STK4: variants seen among roughly 807,000 people sequenced by gnomAD.
STK4 encodes serine/threonine kinase 4.
In STK4, 30 loss-of-function variants were observed where a neutral mutation model predicts 64.9. That is an observed-to-expected ratio of 0.46 (90% CI 0.35 to 0.63). The LOEUF (loss-of-function observed/expected upper bound fraction) is 0.63, where lower values mean the gene tolerates loss of function less well. STK4 is among the 20% of genes least tolerant of loss of function. STK4 has a pLI of 0.01. For synonymous variants in STK4, 177 were observed against 199.0 expected (o/e 0.89, Z 0.93); for missense variants, 466 against 598.5 (o/e 0.78, Z 2.31).
chr20:44,967,191 G>A (rs1449644980), intron 1 of STK4: 1 of 985,224 alleles, frequency 1.0e-6, no homozygotes, highest in African/African-American at 1.7e-5. Context: ...ACTGTAGGAT[G>A]GCATCTTTTA....
chr20:44,989,064 C>G (rs1183731678), intron 5 of STK4, among the ~76,000 whole-genome samples: 4 of 152,086 alleles, frequency 2.6e-5, no homozygotes, highest in African/African-American at 9.7e-5. Flanking sequence ...TGCTTTTTGG[C>G]TGTTAGGAAT....
chr20:44,979,284 A>G (rs2067394821), intron 3 of STK4, among the ~76,000 whole-genome samples: 1 of 152,204 alleles, frequency 6.6e-6, no homozygotes, highest in Non-Finnish European at 1.5e-5. Flanking sequence ...TTAGAATATC[A>G]GGTAAATCTA....
chr20:45,026,128 G>GGTTTTTTTTTTTTTTTTTTTTTT (rs1490924969), intron 10 of STK4, among the ~76,000 whole-genome samples: 3 of 128,982 alleles, frequency 2.3e-5, no homozygotes, highest in African/African-American at 9.0e-5. Flanking sequence ...TTATCCAGTG[G>GGTTTTTTTTTTTTTTTTTTTTTT]TTTTTTTTTT....
intron 3 of STK4, among the ~76,000 whole-genome samples, chr20:44,979,808 T>C (rs1355672134): frequency 6.6e-6 from 1 of 152,144 alleles, no homozygotes; most frequent in East Asian, 1.9e-4. Flanking sequence ...TACTGTCTAC[T>C]AGATAAAATC....
At chr20:45,017,951 G>A (rs2068173990) in intron 9 of STK4, among the ~76,000 whole-genome samples, 1 of 152,166 alleles carries the variant, frequency 6.6e-6, no homozygotes, top group Non-Finnish European at 1.5e-5. Context: ...TATAACTTAT[G>A]ATTCCAGCAA....
chr20:44,983,382 G>T (rs941159352), intron 4 of STK4, among the ~76,000 whole-genome samples: 1 of 152,166 alleles, frequency 6.6e-6, no homozygotes, highest in African/African-American at 2.4e-5. Context: ...GCGGAGGATT[G>T]CTTCAGTCCA....
chr20:45,038,998 T>A (rs1380952364), intron 10 of STK4, among the ~76,000 whole-genome samples: 1 of 152,036 alleles, frequency 6.6e-6, no homozygotes, highest in African/African-American at 2.4e-5. Flanking sequence ...AGGAAGAAAG[T>A]CTAGCCTAGC....
intron 10 of STK4, among the ~76,000 whole-genome samples, chr20:45,071,335 T>C (rs553356404): frequency 1.3e-5 from 2 of 152,348 alleles, no homozygotes; most frequent in South Asian, 4.1e-4. Context: ...AAGATATTCA[T>C]TTGAAATGTA....
intron 10 of STK4, among the ~76,000 whole-genome samples, chr20:45,066,622 A>G (rs1189802714): frequency 6.6e-6 from 1 of 152,186 alleles, no homozygotes; most frequent in Non-Finnish European, 1.5e-5. Context: ...TATTTTTTAT[A>G]TATGTGGTCA....
intron 10 of STK4, among the ~76,000 whole-genome samples, chr20:45,068,748 AAGG>A (rs1324629747): frequency 6.6e-6 from 1 of 152,206 alleles, no homozygotes; most frequent in African/African-American, 2.4e-5. Context: ...TCATCTCTAA[AAGG>A]AGGATAATGA....
chr20:45,012,989 G>C (rs1232773151), intron 9 of STK4, among the ~76,000 whole-genome samples: 1 of 122,106 alleles, frequency 8.2e-6, no homozygotes, highest in Non-Finnish European at 1.6e-5. Context: ...TATAGAGATG[G>C]GATCTCCCTG....
chr20:45,059,350 A>G (rs1978787687), intron 10 of STK4, among the ~76,000 whole-genome samples: 1 of 152,162 alleles, frequency 6.6e-6, no homozygotes, highest in Non-Finnish European at 1.5e-5. Context: ...GAAGCACATC[A>G]TGGTTTCTCT....
At position 45,020,478 on chromosome 20, in the gene STK4, T is replaced by G. The variant is rs865790534; in HGVS notation, c.1148-4495T>G. 5.6e-3 allele frequency among the ~76,000 whole-genome samples: 801 copies of G among 144,274 alleles called. 5 individuals are homozygous for G. Among genetic ancestry groups the G allele is most frequent in the African/African-American group, 0.022 (773 of 35,230 alleles). 94.6% of individuals were successfully genotyped at this position (144,274 alleles called of 152,430 possible). Reference sequence around the variant, plus strand: ...TGTGTGTGTGTGTGTATGTTTATGTTTATGTTTATGTTTATGTTTATGTGA... The same window carrying G: ...TGTGTGTGTGTGTGTATGTTTATGTGTATGTTTATGTTTATGTTTATGTGA... On this transcript the variant is annotated intron_variant, in intron 9 of 10. Transcript: ENST00000372806.
intron 10 of STK4, among the ~76,000 whole-genome samples, chr20:45,065,148 T>G (rs564926073): frequency 6.6e-6 from 1 of 152,106 alleles, no homozygotes; most frequent in East Asian, 1.9e-4. Context: ...GAGGTTTTTT[T>G]TTTTTAACAT....
At chr20:44,996,356 CAG>C (rs1351717907) in intron 6 of STK4, among the ~76,000 whole-genome samples, 1 of 152,132 alleles carries the variant, frequency 6.6e-6, no homozygotes, top group Non-Finnish European at 1.5e-5. Flanking sequence ...CTGCCTTCCT[CAG>C]GGGCTCTGTG....
chr20:45,007,802 A>G lies in STK4; in HGVS notation c.1147+6449A>G, dbSNP rs192296322. On this transcript the variant is annotated intron_variant, in intron 9 of 10. Coordinates refer to ENST00000372806, the MANE Select transcript of STK4 (RefSeq NM_006282.5). ...CTTTTATTTTACATACAGGGGGTAC[A>G]TGTGCAGGTTTGATGCATAAATATA... 5.3e-3 allele frequency: 2,256 copies of G among 424,904 alleles called. 8 individuals are homozygous for G. The highest frequency in any genetic ancestry group is 8.1e-3 in the Non-Finnish European group (1,727 of 213,114). The allele number at this position is 424,904 out of a possible 1,614,324, so 26.3% of individuals were successfully genotyped here.
Position 45,076,478 on chromosome 20 carries a change from A to C in STK4, c.*1302A>C, listed in dbSNP as rs1391805363. On this transcript the variant is annotated 3_prime_UTR_variant, in exon 11 of 11. Transcript: ENST00000372806. The surrounding 1 kb of genome is among the most constrained non-coding windows in gnomAD (Gnocchi z 4.0). ...TGTGTCAGTCTTGGTTAATTGTTCC[A>C]GGGAACCTTGCTAACAGAAACTTGC... 1.3e-5 allele frequency: 2 copies of C among 152,214 alleles called. No homozygotes were observed. Among genetic ancestry groups the C allele is most frequent in the Non-Finnish European group, 2.9e-5 (2 of 68,026 alleles). The allele number at this position is 152,214 out of a possible 1,614,324, so 9.4% of individuals were successfully genotyped here. A position where few individuals can be genotyped will look rare whatever the true frequency, so the allele number is the denominator to read the frequency against.
At chr20:45,010,978 A>T (rs2068034356) in intron 9 of STK4, among the ~76,000 whole-genome samples, 1 of 152,194 alleles carries the variant, frequency 6.6e-6, no homozygotes, top group African/African-American at 2.4e-5. Context: ...GAAGGGATTA[A>T]GGTGGGATTT....
rs71197599 is a variant in STK4, at chr20:45,062,989, CTTTTTTTTTTTT to C, written c.1306-12010_1306-11999del. Reference sequence around the variant, plus strand: ...ACAGGTGTGAGCCACCGCACCCGGCCTTTTTTTTTTTTTTTTTTTTTTTTTTTTTTGGACACA... The same window carrying C: ...ACAGGTGTGAGCCACCGCACCCGGCCTTTTTTTTTTTTTTTTTTGGACACA... On this transcript the variant is annotated intron_variant, in intron 10 of 10. Transcript: ENST00000372806. 1.7e-3 allele frequency among the ~76,000 whole-genome samples: 53 copies of C among 31,500 alleles called. 3 individuals carry two copies. The highest frequency in any genetic ancestry group is 6.5e-3 in the South Asian group (4 of 612). 20.7% of individuals were successfully genotyped at this position (31,500 alleles called of 152,430 possible).
Sources: allele counts gnomAD v4.1 joint callset (sites outside exome capture counted in the v4.1 genomes callset), GRCh38; gene constraint gnomAD v4.1.1; non-coding constraint Gnocchi (gnomAD v3.1); transcripts MANE v1.5; gene names NCBI Gene and HGNC (gene_info 2026-07-23, HGNC 2026-07-21).